The following STAP2 variants were observed in gnomAD, a reference collection of about 807,000 sequenced individuals.
STAP2 encodes the protein signal transducing adaptor family member 2.
STAP2 carries 58 observed loss-of-function variants against 52.7 expected under a neutral mutation model. The observed-to-expected ratio is 1.10, with a 90% CI of 0.89 to 1.37. The LOEUF is 1.37. STAP2 is among the 40% of genes most tolerant of loss of function. The pLI, the probability that STAP2 is intolerant of heterozygous loss-of-function variation, is 0.00. For missense variants in STAP2, 522 were observed against 519.4 expected (o/e 1.00, Z -0.05); for synonymous variants, 231 against 210.5 (o/e 1.10, Z -0.84).
At position 4,324,504 on chromosome 19, in the gene STAP2, C is replaced by T; in HGVS notation, c.1098G>A (p.Leu366=). Residue 366 remains leucine (L), a synonymous_variant, in exon 12 of 13, where the codon TTG becomes TTA. Coordinates refer to ENST00000594605, the MANE Select transcript of STAP2 (RefSeq NM_001013841.2). ...CTGAACTGACTGGCAGCTTCCTGCC[C>T]AAGCCACCATTAAAGACTTTGGGCT... ...KPEPKVFNGG[L]GRKLPVSSAQ... is the part of the protein sequence containing the mutation. 6.4e-7 allele frequency: 1 copy of T among 1,573,720 alleles called. No homozygotes were observed. Among genetic ancestry groups the T allele is most frequent in the East Asian group, 2.3e-5 (1 of 43,384 alleles).
Position 4,325,229 on chromosome 19 carries a change from A to G in STAP2, c.1059T>C (p.Val353=). Residue 353 remains valine (V), a synonymous_variant, in exon 11 of 13, where the codon GTT becomes GTC. Coordinates refer to ENST00000594605, the MANE Select transcript of STAP2 (RefSeq NM_001013841.2). ...KPPAKLPKPP[V]GPKPEPKVFN... ...GGGGACCCCAACCTGGCTTGGGTCC[A>G]ACGGGTGGCTTTGGAAGCTTGGCAG... 6.3e-7 allele frequency: 1 copy of G among 1,593,106 alleles called. No homozygotes were observed. The highest frequency in any genetic ancestry group is 1.1e-5 in the South Asian group (1 of 88,486).
rs538445705 is a variant in STAP2 at position 4,328,581 on chromosome 19, G to T, written c.590+94C>A. 421 of 1,486,020 alleles carry T rather than the reference G, an allele frequency of 2.8e-4. 3 individuals are homozygous for T. The South Asian group carries it at 3.9e-3, about 14-fold the overall frequency. The allele number at this position is 1,486,020 out of a possible 1,614,324, so 92.1% of individuals were successfully genotyped here. A position where few individuals can be genotyped will look rare whatever the true frequency, so the allele number is the denominator to read the frequency against. The stretch of plus-strand genomic sequence containing the variant: ...TCCGTCCCCTGGCCTACCCACTAGC[G>T]GGTCGGACTCCGCCCCTGCTTCTGA... On this transcript the variant is annotated intron_variant, in intron 6 of 12. Coordinates refer to ENST00000594605, the MANE Select transcript of STAP2 (RefSeq NM_001013841.2).
At chr19:4,338,400 G>C (rs1972013397) in intron 1 of STAP2, 1 of 344,086 alleles carries the variant, frequency 2.9e-6, no homozygotes, top group South Asian at 5.6e-5. Flanking sequence ...GACTGAGACA[G>C]ACATCGGGAG....
chr19:4,324,592 G>A lies in STAP2; in HGVS notation c.1073-63C>T, dbSNP rs1971752957. The A allele has an allele frequency of 2.0e-6, 3 of 1,532,742 alleles. No homozygotes were observed. In the Admixed American group the frequency reaches 5.9e-5, roughly 30 times the overall value. 94.9% of individuals were successfully genotyped at this position (1,532,742 alleles called of 1,614,324 possible). On this transcript the variant is annotated intron_variant, in intron 11 of 12. Transcript: ENST00000594605. ...CACGCCGGTAATCCCAGCACTTTGG[G>A]AGGCTGAGGTGGGTGGATCACTTGA...
chr19:4,335,468 A>G (rs1348798736), intron 1 of STAP2, among the ~76,000 whole-genome samples: 1 of 151,578 alleles, frequency 6.6e-6, no homozygotes, highest in African/African-American at 2.4e-5. Context: ...ATATGCACTC[A>G]TCCATCCACC....
chr19:4,332,671 CT>C (rs1379527968), intron 3 of STAP2, among the ~76,000 whole-genome samples: 3 of 150,520 alleles, frequency 2.0e-5, no homozygotes, highest in Non-Finnish European at 3.0e-5. Flanking sequence ...AGCGAGCCCC[CT>C]GTCTCTACAA....
chr19:4,326,688 G>A (rs1242830216), intron 9 of STAP2, among the ~76,000 whole-genome samples: 1 of 151,840 alleles, frequency 6.6e-6, no homozygotes, highest in African/African-American at 2.4e-5. Flanking sequence ...CGCCTCCCCC[G>A]AGCCCAGGTT....
chr19:4,335,872 G>A (rs4435380), intron 1 of STAP2, among the ~76,000 whole-genome samples: 55,520 of 151,964 alleles, frequency 0.37, 10,378 homozygotes, highest in East Asian at 0.53. Flanking sequence ...TGTGACTACA[G>A]CCCTAACTCC....
rs768710967 is a variant in STAP2, at chr19:4,324,117, C to T, written c.*16G>A. On this transcript the variant is annotated 3_prime_UTR_variant, in exon 13 of 13. Coordinates refer to ENST00000594605, the MANE Select transcript of STAP2 (RefSeq NM_001013841.2). Reference sequence around the variant, plus strand: ...CATGCCCTGGGACTAGCCCGCTGGTCCCTGGTGTGTCCGAATCAGTGCTCC... The same window carrying T: ...CATGCCCTGGGACTAGCCCGCTGGTTCCTGGTGTGTCCGAATCAGTGCTCC... 1.2e-5 allele frequency: 18 copies of T among 1,551,290 alleles called. No individual in the cohort carries two copies. The South Asian group carries it at 2.1e-4, about 18-fold the overall frequency.
Position 4,325,505 on chromosome 19 carries a change from A to G in STAP2, c.870T>C (p.Pro290=), listed in dbSNP as rs778309001. ...PCTGGPKPLS[P]ASSQDKLPPL... ...GGGGCAGCTTGTCCTGGCTAGACGC[A>G]GGTGACAGCGGCTTGGGGCCACCTG... Residue 290 remains proline, a synonymous_variant, in exon 10 of 13, where the codon CCT becomes CCC. Transcript: ENST00000594605. The G allele has an allele frequency of 6.2e-7, 1 of 1,610,466 alleles. No individual in the cohort carries two copies. Among genetic ancestry groups the G allele is most frequent in the Non-Finnish European group, 8.5e-7 (1 of 1,178,242 alleles).
rs547372465 is a variant in STAP2, at chr19:4,331,805, T to A, written c.354+217A>T. On this transcript the variant is annotated intron_variant, in intron 4 of 12. Transcript: ENST00000594605. ...AAATTAGCCGGGCGTGGTGGCGGGC[T>A]TCTGTAATCCCAGCTACTCCGGAGG... is the stretch of plus-strand genomic sequence containing the variant. Among the ~76,000 whole-genome samples the A allele has an allele frequency of 5.4e-5, 8 of 149,228 alleles. No homozygotes were observed. In the East Asian group the frequency reaches 1.6e-3, roughly 30 times the overall value.
intron 5 of STAP2, among the ~76,000 whole-genome samples, chr19:4,329,419 G>A (rs1250857481): frequency 6.6e-6 from 1 of 151,838 alleles, no homozygotes; most frequent in Non-Finnish European, 1.5e-5. Flanking sequence ...TCTTAATTCT[G>A]GCCCCGGAGA....
rs566784734 is a variant in STAP2 at position 4,338,484 on chromosome 19, GCA to G, written c.102+166_102+167del. On this transcript the variant is annotated intron_variant, in intron 1 of 12. Coordinates refer to ENST00000594605, the MANE Select transcript of STAP2 (RefSeq NM_001013841.2). ...AAGACACACGGAGACAGAGATAGAC[GCA>G]CAGAGAGGCAGATGGCCAGAACCCA... 5.1e-4 allele frequency among the ~76,000 whole-genome samples: 78 copies of G among 152,218 alleles called. 2 individuals are homozygous for G. In the South Asian group the frequency reaches 7.5e-3, roughly 15 times the overall value.
At chr19:4,328,935 T>C in intron 5 of STAP2, 126 bp from the exon 6 acceptor site, 1 of 1,335,596 alleles carries the variant, frequency 7.5e-7, no homozygotes, top group Non-Finnish European at 1.0e-6. Context: ...CCTGCCCTGC[T>C]CTCCAGACCC....
intron 11 of STAP2, chr19:4,324,999 C>T: frequency 3.7e-6 from 2 of 539,576 alleles, no homozygotes; most frequent in Non-Finnish European, 6.6e-6. Context: ...ATTAGCTGGG[C>T]ATGGTGGCGG....
chr19:4,332,292 C>T (rs1971906738), intron 3 of STAP2, among the ~76,000 whole-genome samples: 1 of 148,404 alleles, frequency 6.7e-6, no homozygotes, highest in Non-Finnish European at 1.5e-5. Flanking sequence ...ACTGCAACCT[C>T]CACCTCCCAG....
chr19:4,338,457 C>A (rs1372893596), intron 1 of STAP2, among the ~76,000 whole-genome samples, 195 bp downstream of exon 1: 1 of 152,126 alleles, frequency 6.6e-6, no homozygotes, highest in African/African-American at 2.4e-5. Flanking sequence ...AAACCAAATT[C>A]AAAGACACAC....
chr19:4,337,523 C>T (rs562453059), intron 1 of STAP2, among the ~76,000 whole-genome samples: 144 of 141,400 alleles, frequency 1.0e-3, no homozygotes, highest in African/African-American at 3.3e-3. Flanking sequence ...TGACCCACTG[C>T]GCCTGGCCAG....
chr19:4,328,643 C>T, intron 6 of STAP2, 32 bp downstream of exon 6: 1 of 1,567,966 alleles, frequency 6.4e-7, no homozygotes, highest in South Asian at 1.2e-5. Context: ...CACCCTCCTC[C>T]CACCCAGGGC....
Sources: gnomAD v4.1 joint callset for allele counts (sites outside exome capture counted in the v4.1 genomes callset) on GRCh38, gnomAD v4.1.1 for gene constraint, MANE v1.5 for transcripts, NCBI Gene and HGNC (gene_info 2026-07-23, HGNC 2026-07-21) for gene names.